DNAH12: variants seen among roughly 807,000 people sequenced by gnomAD.
DNAH12 encodes the protein dynein axonemal heavy chain 12, also known as axonemal beta dynein heavy chain 12.
In DNAH12, 285 loss-of-function variants were observed where a neutral mutation model predicts 371.5. The ratio of observed to expected loss-of-function variants is 0.77; its 90% CI spans 0.70 to 0.85. The LOEUF (loss-of-function observed/expected upper bound fraction) is 0.85. Ranked by LOEUF, DNAH12 falls within the 40% of genes least tolerant of loss-of-function variation. The pLI is 0.00. For synonymous variants in DNAH12, 1,200 were observed against 1,213.0 expected (o/e 0.99, Z 0.22); for missense variants, 3,611 against 3,689.4 (o/e 0.98, Z 0.55).
At chr3:57,499,648 A>AAAAAAAAAAAAAATATATG (rs71088082) in intron 11 of DNAH12, among the ~76,000 whole-genome samples, 3 of 21,300 alleles carry the variant, frequency 1.4e-4, no homozygotes, top group Non-Finnish European at 2.8e-4. Flanking sequence ...AAAAAAAAAA[A>AAAAAAAAAAAAAATATATG]TATATATATA....
chr3:57,523,315 T>A (rs556335460), intron 4 of DNAH12, among the ~76,000 whole-genome samples: 2 of 152,152 alleles, frequency 1.3e-5, no homozygotes, highest in African/African-American at 4.8e-5. Context: ...GCCTGAGTGG[T>A]GGGGCTGCAG....
intron 2 of DNAH12, among the ~76,000 whole-genome samples, chr3:57,540,378 A>C (rs1238668946): frequency 6.6e-6 from 1 of 152,118 alleles, no homozygotes; most frequent in African/African-American, 2.4e-5. Flanking sequence ...AGTAACAGGT[A>C]TCTGTGTAAC....
At chr3:57,297,561 G>A (rs1043194478) in intron 70 of DNAH12, among the ~76,000 whole-genome samples, 10 of 151,898 alleles carry the variant, frequency 6.6e-5, no homozygotes, top group African/African-American at 2.4e-4. Context: ...TCAGCATGTT[G>A]GCCAGGCTGG....
intron 33 of DNAH12, 62 bp downstream of exon 33, chr3:57,429,629 A>T (rs2064893115): frequency 7.0e-7 from 1 of 1,430,934 alleles, no homozygotes; most frequent in South Asian, 1.4e-5. Context: ...AAAAATACTT[A>T]TTGGCTAAAT....
chr3:57,346,053 T>G (rs1483062978), intron 60 of DNAH12, among the ~76,000 whole-genome samples: 1 of 152,148 alleles, frequency 6.6e-6, no homozygotes, highest in Non-Finnish European at 1.5e-5. Context: ...GAATACTGAA[T>G]GTTCCTAGCA....
intron 52 of DNAH12, among the ~76,000 whole-genome samples, chr3:57,378,020 CCTGCTTTCTCTCTGCTGCA>C (rs1384662512): frequency 6.6e-6 from 1 of 152,084 alleles, no homozygotes; most frequent in Non-Finnish European, 1.5e-5. Flanking sequence ...CACAAAATGC[CCTGCTTTCTCTCTGCTGCA>C]CTGAAATCAT....
At chr3:57,380,415 C>T (rs955545967) in intron 50 of DNAH12, 48 bp from the exon 51 acceptor site, 1 of 152,080 alleles carries the variant, frequency 6.6e-6, no homozygotes, top group Non-Finnish European at 1.5e-5. Flanking sequence ...ACTAAAAATG[C>T]TAGATGCAAA....
chr3:57,378,436 T>A (rs2063325010), intron 52 of DNAH12, among the ~76,000 whole-genome samples: 1 of 152,142 alleles, frequency 6.6e-6, no homozygotes, highest in African/African-American at 2.4e-5. Context: ...TCTATCTCTC[T>A]ACAGGTACAT....
chr3:57,495,297 G>A (rs2067268159), intron 11 of DNAH12, among the ~76,000 whole-genome samples: 1 of 151,904 alleles, frequency 6.6e-6, no homozygotes, highest in African/African-American at 2.4e-5. Flanking sequence ...GGTGGCTCAC[G>A]CCTGTAATCC....
chr3:57,476,579 A>AAAAAAT (rs1301426764), intron 13 of DNAH12, among the ~76,000 whole-genome samples: 1 of 151,918 alleles, frequency 6.6e-6, no homozygotes, highest in Non-Finnish European at 1.5e-5. Context: ...AATAAAAAAT[A>AAAAAAT]AAAAAAATCA....
chr3:57,294,225 G>A (rs1435737709), intron 73 of DNAH12, among the ~76,000 whole-genome samples: 1 of 142,830 alleles, frequency 7.0e-6, no homozygotes, highest in Non-Finnish European at 1.5e-5. Context: ...CACCTAGGCT[G>A]GAGTACAGTG....
intron 2 of DNAH12, among the ~76,000 whole-genome samples, chr3:57,538,757 T>G (rs1344507021): frequency 6.6e-6 from 1 of 152,202 alleles, no homozygotes; most frequent in Non-Finnish European, 1.5e-5. Flanking sequence ...TCACTCTCGC[T>G]CTCTCTGTGA....
In DNAH12 at chr3:57,428,706, T is replaced by G; in HGVS notation, c.5180A>C (p.Tyr1727Ser). ...SLKGPLCEPE[Y>S]QALLRGLFAW... The stretch of plus-strand genomic sequence containing the variant: ...AAAAAGTCCTCTCAGAAGAGCTTGA[T>G]ATTCTGGTTCACACAGAGGTCCTTT... The change falls in exon 34 of 74, where the codon TAT becomes TCT. Residue 1727 changes from tyrosine (Y) to serine (S), a missense_variant. Physicochemically the swap from Tyr to Ser is moderately radical, Grantham distance 144. Transcript: ENST00000495027. 6.4e-7 allele frequency: 1 copy of G among 1,551,496 alleles called. No individual in the cohort carries two copies. Among genetic ancestry groups the G allele is most frequent in the Non-Finnish European group, 8.7e-7 (1 of 1,146,942 alleles).
intron 49 of DNAH12, among the ~76,000 whole-genome samples, chr3:57,384,394 T>C (rs2063458255): frequency 6.6e-6 from 1 of 152,076 alleles, no homozygotes; most frequent in East Asian, 1.9e-4. Context: ...CCCAGCACTT[T>C]GGGAGGCCAA....
intron 8 of DNAH12, among the ~76,000 whole-genome samples, chr3:57,505,647 G>A (rs1391177911): frequency 6.6e-6 from 1 of 151,922 alleles, no homozygotes; most frequent in Non-Finnish European, 1.5e-5. Flanking sequence ...CACCATGTTG[G>A]CCAGGCTGGT....
In DNAH12 at chr3:57,542,866, G is replaced by A. The variant is rs1251433077; in HGVS notation, c.5C>T (p.Ser2Leu). ...TGCAATGGCAGCTTTGTTTGCATCT[G>A]ACATCTTGATCCCCTAAAGATTAAA... M[S>L]DANKAAIAAE... is the part of the protein sequence containing the mutation. The change falls in exon 2 of 74, where the codon TCA becomes TTA. Residue 2 changes from serine (S) to leucine (L), a missense_variant. By Grantham distance (145) the Ser-to-Leu change is moderately radical. Transcript: ENST00000495027. The A allele has an allele frequency of 3.2e-6, 5 of 1,585,996 alleles. No homozygotes were observed. The highest frequency in any genetic ancestry group is 4.3e-6 in the Non-Finnish European group (5 of 1,170,596).
At chr3:57,431,848 CT>C (rs1163680013) in intron 32 of DNAH12, among the ~76,000 whole-genome samples, 2 of 152,168 alleles carry the variant, frequency 1.3e-5, no homozygotes, top group Non-Finnish European at 2.9e-5. Flanking sequence ...ATTTAAGTCT[CT>C]TCTTTTATCC....
At chr3:57,549,500 G>C in the DNAH12 span, among the ~76,000 whole-genome samples, 1 of 152,146 alleles carries the variant, frequency 6.6e-6, no homozygotes, top group Non-Finnish European at 1.5e-5. Flanking sequence ...CTGGGCAACA[G>C]AGTAAGACCC....
chr3:57,527,391 T>A (rs1208922714), intron 2 of DNAH12, among the ~76,000 whole-genome samples: 2 of 152,186 alleles, frequency 1.3e-5, no homozygotes, highest in Non-Finnish European at 2.9e-5. Flanking sequence ...CTGGGTAATT[T>A]ATAAAGAAAA....
Sources: gnomAD v4.1 joint callset for allele counts (sites outside exome capture counted in the v4.1 genomes callset) on GRCh38, gnomAD v4.1.1 for gene constraint, MANE v1.5 for transcripts, NCBI Gene and HGNC (gene_info 2026-07-23, HGNC 2026-07-21) for gene names.